The following SDK2 variants were observed in gnomAD, a reference collection of about 807,000 sequenced individuals.
SDK2 encodes sidekick cell adhesion molecule 2, also known as protein sidekick-2.
In SDK2, 105 loss-of-function variants were observed where a neutral mutation model predicts 253.9. The observed-to-expected ratio is 0.41, with a 90% CI of 0.35 to 0.49. The LOEUF is 0.49. SDK2 is among the 20% of genes least tolerant of loss of function. The pLI is 0.06. For missense variants in SDK2, 2,608 were observed against 3,003.0 expected, an observed-to-expected ratio of 0.87 and a Z score of 3.07; for synonymous variants, 1,249 against 1,234.9, an observed-to-expected ratio of 1.01 and a Z score of -0.24.
intron 1 of SDK2, among the ~76,000 whole-genome samples, chr17:73,591,923 G>C (rs796223071): frequency 1.3e-5 from 2 of 152,060 alleles, no homozygotes; most frequent in Admixed American, 1.3e-4. Flanking sequence ...GGAGTGCAGC[G>C]GAGACTCGAG....
chr17:73,441,822 G>A (rs1325260856), intron 5 of SDK2, among the ~76,000 whole-genome samples: 1 of 152,178 alleles, frequency 6.6e-6, no homozygotes, highest in Non-Finnish European at 1.5e-5. Context: ...TCTTTGCTGT[G>A]GACTGAGCTG....
Position 73,643,282 on chromosome 17 carries a change from C to A in SDK2, c.64+743G>T, listed in dbSNP as rs1313437737. 6.6e-6 allele frequency among the ~76,000 whole-genome samples: 1 copy of A among 152,190 alleles called. No homozygotes were observed. Among genetic ancestry groups the A allele is most frequent in the African/African-American group, 2.4e-5 (1 of 41,462 alleles). Reference sequence around the variant, plus strand: ...TCCCGGCAGCCACAGGTCACAGCAGCGAGCGGCTGCACAGACTATCGAGCG... The same window carrying A: ...TCCCGGCAGCCACAGGTCACAGCAGAGAGCGGCTGCACAGACTATCGAGCG... On this transcript the variant is annotated intron_variant, in intron 1 of 44. Coordinates refer to ENST00000392650, the MANE Select transcript of SDK2 (RefSeq NM_001144952.2). The surrounding 1 kb of genome is among the most constrained non-coding windows in gnomAD (Gnocchi z 6.9).
chr17:73,540,772 C>T (rs1257496987), intron 1 of SDK2, among the ~76,000 whole-genome samples: 1 of 152,146 alleles, frequency 6.6e-6, no homozygotes, highest in African/African-American at 2.4e-5. Context: ...CATTTGGGCA[C>T]CCATGCCAGT....
At chr17:73,373,637 T>C (rs2062754166) in intron 36 of SDK2, among the ~76,000 whole-genome samples, 1 of 152,208 alleles carries the variant, frequency 6.6e-6, no homozygotes, top group Admixed American at 6.5e-5. Flanking sequence ...CTTAGATACC[T>C]GTTGACCATT....
At chr17:73,479,832 G>A (rs983497563) in intron 2 of SDK2, among the ~76,000 whole-genome samples, 3 of 152,006 alleles carry the variant, frequency 2.0e-5, no homozygotes, top group Non-Finnish European at 4.4e-5. Flanking sequence ...CTGGGATTAC[G>A]GGCACCTGCC....
intron 1 of SDK2, among the ~76,000 whole-genome samples, chr17:73,562,050 C>T (rs772722556): frequency 2.0e-5 from 3 of 152,162 alleles, no homozygotes; most frequent in South Asian, 2.1e-4. Flanking sequence ...TGCTTGAACC[C>T]GGGAGGCAGA....
Position 73,394,248 on chromosome 17 carries a change from G to C in SDK2, c.3669C>G (p.Val1223=). The C allele has an allele frequency of 6.2e-7, 1 of 1,601,428 alleles. No homozygotes were observed. The highest frequency in any genetic ancestry group is 8.5e-7 in the Non-Finnish European group (1 of 1,171,704). ...CGAGCCCGTTGCGATCAGCCTCGGG[G>C]ACCTCGCTCCAGCGCACCAGCATGC... The part of the protein sequence containing the change: ...SSSMLVRWSE[V]PEADRNGLVL... The change falls in exon 26 of 45, where the codon GTC becomes GTG. Residue 1223 remains valine (V), a synonymous_variant. Transcript: ENST00000392650.
At chr17:73,564,889 T>C (rs953681599) in intron 1 of SDK2, among the ~76,000 whole-genome samples, 26 of 151,740 alleles carry the variant, frequency 1.7e-4, no homozygotes, top group Admixed American at 3.9e-4. Flanking sequence ...TTTGGGCATC[T>C]GGTAAGGGTG....
chr17:73,503,970 C>G (rs2063910453), intron 2 of SDK2, among the ~76,000 whole-genome samples: 1 of 152,180 alleles, frequency 6.6e-6, no homozygotes, highest in Non-Finnish European at 1.5e-5. Flanking sequence ...GAGGTGGGCA[C>G]AGCTGAGCGA....
intron 1 of SDK2, among the ~76,000 whole-genome samples, chr17:73,571,945 G>C (rs2045393432): frequency 6.6e-6 from 1 of 152,194 alleles, no homozygotes; most frequent in Non-Finnish European, 1.5e-5. Context: ...GGAAGGAGGA[G>C]CGCCCGCGGG....
intron 21 of SDK2, 49 bp from the exon 22 acceptor site, chr17:73,399,338 C>A: frequency 6.2e-7 from 1 of 1,608,838 alleles, no homozygotes. Context: ...AGAATGGCCC[C>A]CCATGTTGAA....
intron 1 of SDK2, among the ~76,000 whole-genome samples, chr17:73,571,268 A>C (rs191275740): frequency 6.6e-6 from 1 of 152,310 alleles, no homozygotes; most frequent in Admixed American, 6.5e-5. Flanking sequence ...GAAGAGGCTA[A>C]GGAGGGTGAC....
chr17:73,401,727 GCTCAGGTGT>G lies in SDK2; in HGVS notation c.2697_2705del (p.His900_Ser902del). Reference sequence around the variant, plus strand: ...GCGATGTGTCCAGGATCTCACTGAAGCTCAGGTGTCCCACGGGCCCAGGCACTGCACCCC... The same window carrying G: ...GCGATGTGTCCAGGATCTCACTGAAGCCCACGGGCCCAGGCACTGCACCCC... On this transcript the variant is annotated inframe_deletion, in exon 20 of 45. Coordinates refer to ENST00000392650, the MANE Select transcript of SDK2 (RefSeq NM_001144952.2). The G allele has an allele frequency of 1.3e-6, 2 of 1,587,394 alleles. No homozygotes were observed. The highest frequency in any genetic ancestry group is 1.7e-6 in the Non-Finnish European group (2 of 1,165,910).
At chr17:73,349,457 C>A (rs759242620) in intron 43 of SDK2, among the ~76,000 whole-genome samples, 8 of 152,196 alleles carry the variant, frequency 5.3e-5, no homozygotes, top group Non-Finnish European at 8.8e-5. Flanking sequence ...AGCCCTCTGG[C>A]CCAGTCTTTC....
chr17:73,583,698 A>G (rs1949310595), intron 1 of SDK2, among the ~76,000 whole-genome samples: 1 of 107,608 alleles, frequency 9.3e-6, no homozygotes, highest in South Asian at 2.9e-4. Context: ...ATGCAGGGCC[A>G]AGAGTGCTTC....
At chr17:73,489,031 C>A (rs1437803663) in intron 2 of SDK2, among the ~76,000 whole-genome samples, 1 of 152,126 alleles carries the variant, frequency 6.6e-6, no homozygotes, top group African/African-American at 2.4e-5. Context: ...ATCATTCTAC[C>A]CATACTGGAG....
chr17:73,561,733 C>G (rs535491054), intron 1 of SDK2, among the ~76,000 whole-genome samples: 14 of 152,326 alleles, frequency 9.2e-5, no homozygotes, highest in Non-Finnish European at 1.8e-4. Flanking sequence ...AGTCTCTGCT[C>G]TCAAGGACTC....
chr17:73,599,950 G>A (rs2045813736), intron 1 of SDK2, among the ~76,000 whole-genome samples: 1 of 152,256 alleles, frequency 6.6e-6, no homozygotes, highest in Non-Finnish European at 1.5e-5. Flanking sequence ...ATTTGTCAAA[G>A]TATGTGACTG....
At chr17:73,469,671 C>T (rs1209220744) in intron 3 of SDK2, among the ~76,000 whole-genome samples, 2 of 151,948 alleles carry the variant, frequency 1.3e-5, no homozygotes, top group African/African-American at 4.8e-5. Context: ...GGAGGGAGTT[C>T]CCCCCACCCT....
Sources: gnomAD v4.1 joint callset for allele counts (sites outside exome capture counted in the v4.1 genomes callset) on GRCh38, gnomAD v4.1.1 for gene constraint, Gnocchi (gnomAD v3.1) non-coding constraint, MANE v1.5 for transcripts, NCBI Gene and HGNC (gene_info 2026-07-23, HGNC 2026-07-21) for gene names.